Variants in FHIT observed in about 807,000 individuals in gnomAD.
FHIT encodes the protein fragile histidine triad diadenosine triphosphatase, also known as bis(5'-adenosyl)-triphosphatase.
In FHIT, 19 loss-of-function variants were observed where a neutral mutation model predicts 17.9. That is an observed-to-expected ratio of 1.06 (90% CI 0.74 to 1.56). The LOEUF (loss-of-function observed/expected upper bound fraction) is 1.56, where lower values mean the gene tolerates loss of function less well. Among genes scored for constraint, FHIT ranks in the 40% most tolerant of loss-of-function variants. The pLI is 0.00. For missense variants in FHIT, 248 were observed against 189.2 expected (o/e 1.31, Z -1.82); for synonymous variants, 81 against 69.7 (o/e 1.16, Z -0.81).
chr3:61,077,180 T>C (rs1443238374), intron 2 of FHIT, among the ~76,000 whole-genome samples: 1 of 152,008 alleles, frequency 6.6e-6, no homozygotes, highest in African/African-American at 2.4e-5. Flanking sequence ...AAACTTAAGG[T>C]AGAATTAATT....
intron 2 of FHIT, among the ~76,000 whole-genome samples, chr3:61,151,585 T>C (rs1051200561): frequency 2.2e-5 from 3 of 136,932 alleles, no homozygotes; most frequent in Non-Finnish European, 1.6e-5. Context: ...CTTTTTTTTT[T>C]TTTTTTGAGA....
chr3:61,096,140 TCAAA>T (rs1200264333), intron 2 of FHIT, among the ~76,000 whole-genome samples: 2 of 152,144 alleles, frequency 1.3e-5, no homozygotes, highest in African/African-American at 2.4e-5. Flanking sequence ...TAAATCTTTC[TCAAA>T]CAAACTGCAA....
chr3:60,953,981 C>A (rs569733025), intron 3 of FHIT, among the ~76,000 whole-genome samples: 1 of 152,240 alleles, frequency 6.6e-6, no homozygotes, highest in East Asian at 1.9e-4. Flanking sequence ...ATTAATGGAG[C>A]CCAAAGGGTT....
Position 60,968,260 on chromosome 3 carries a change from G to A in FHIT, c.-111+73787C>T, listed in dbSNP as rs1364069450. On this transcript the variant is annotated intron_variant, in intron 3 of 9. Transcript: ENST00000492590. ...TAGAATGCATAAACGTCACCTTGTGGCTTGTTAAAAACACAGATTCTTGCC... is the reference window on the plus strand; with the variant it reads ...TAGAATGCATAAACGTCACCTTGTGACTTGTTAAAAACACAGATTCTTGCC... Among the ~76,000 whole-genome samples, 3 of 152,286 alleles carry A rather than the reference G, an allele frequency of 2.0e-5. No homozygotes were observed. The East Asian group carries it at 5.8e-4, about 29-fold the overall frequency.
chr3:59,781,494 A>C (rs894413544), intron 8 of FHIT, among the ~76,000 whole-genome samples: 3 of 152,200 alleles, frequency 2.0e-5, no homozygotes, highest in Admixed American at 2.0e-4. Context: ...CCTTTAGCTA[A>C]AGTTCAACTT....
intron 4 of FHIT, among the ~76,000 whole-genome samples, chr3:60,766,038 C>T (rs1699841003): frequency 6.6e-6 from 1 of 152,144 alleles, no homozygotes; most frequent in Non-Finnish European, 1.5e-5. Context: ...GACTGAGCCA[C>T]TACCAGCTTC....
At chr3:60,735,114 T>C (rs1553712261) in intron 4 of FHIT, among the ~76,000 whole-genome samples, 1 of 152,248 alleles carries the variant, frequency 6.6e-6, no homozygotes, top group African/African-American at 2.4e-5. Flanking sequence ...TTATGTGGAT[T>C]GGTTGATTAA....
intron 7 of FHIT, among the ~76,000 whole-genome samples, chr3:59,984,765 A>T (rs1040179888): frequency 5.9e-5 from 9 of 152,108 alleles, no homozygotes; most frequent in African/African-American, 2.2e-4. Context: ...TGATGGGCAT[A>T]CACTGAGGGA....
At chr3:60,603,154 T>C (rs1242241599) in intron 4 of FHIT, among the ~76,000 whole-genome samples, 1 of 152,162 alleles carries the variant, frequency 6.6e-6, no homozygotes, top group Non-Finnish European at 1.5e-5. Flanking sequence ...GAATAACATC[T>C]AAAATTGGTG....
At chr3:60,718,419 C>T (rs2041735519) in intron 4 of FHIT, among the ~76,000 whole-genome samples, 1 of 152,148 alleles carries the variant, frequency 6.6e-6, no homozygotes, top group Non-Finnish European at 1.5e-5. Flanking sequence ...AAAAGCACAA[C>T]TCACCCCTTC....
At chr3:60,612,167 A>T (rs963565545) in intron 4 of FHIT, among the ~76,000 whole-genome samples, 4 of 152,152 alleles carry the variant, frequency 2.6e-5, no homozygotes, top group African/African-American at 9.7e-5. Context: ...TGAAGTGGTC[A>T]AAGAGAAGGG....
intron 5 of FHIT, among the ~76,000 whole-genome samples, chr3:60,506,403 T>C (rs10510846): frequency 0.24 from 36,453 of 152,198 alleles, 4,914 homozygotes; most frequent in Non-Finnish European, 0.3. Flanking sequence ...ACAGAGATTG[T>C]GTTTGGCAAA....
At chr3:59,975,234 G>T (rs1185259461) in intron 7 of FHIT, among the ~76,000 whole-genome samples, 1 of 152,062 alleles carries the variant, frequency 6.6e-6, no homozygotes, top group Admixed American at 6.6e-5. Context: ...TTAGAAGAAG[G>T]CAACATAAAT....
chr3:60,580,390 C>T (rs781468714), intron 4 of FHIT, among the ~76,000 whole-genome samples: 48 of 152,076 alleles, frequency 3.2e-4, no homozygotes, highest in Non-Finnish European at 4.7e-4. Flanking sequence ...TTCAATCATC[C>T]CTGATTTTTT....
intron 4 of FHIT, among the ~76,000 whole-genome samples, chr3:60,635,447 T>C (rs1023774465): frequency 2.0e-5 from 3 of 152,168 alleles, no homozygotes; most frequent in African/African-American, 7.2e-5. Context: ...TCATAAGCCG[T>C]TTTCTTGCAC....
intron 8 of FHIT, among the ~76,000 whole-genome samples, chr3:59,891,780 A>G (rs1199920184): frequency 1.3e-5 from 2 of 152,190 alleles, no homozygotes; most frequent in Non-Finnish European, 2.9e-5. Context: ...TCTTGTAAGT[A>G]AAATCATTTT....
intron 5 of FHIT, among the ~76,000 whole-genome samples, chr3:60,165,041 G>GA (rs1374550923): frequency 6.6e-6 from 1 of 152,084 alleles, no homozygotes; most frequent in Non-Finnish European, 1.5e-5. Flanking sequence ...TCACAGATCC[G>GA]AAACCCAGAC....
chr3:60,137,014 G>A (rs1169365982), intron 5 of FHIT, among the ~76,000 whole-genome samples: 8 of 152,090 alleles, frequency 5.3e-5, no homozygotes, highest in Admixed American at 3.9e-4. Flanking sequence ...TTATGATAGT[G>A]TCCTTTTGGC....
At chr3:60,623,602 T>C (rs1553679589) in intron 4 of FHIT, among the ~76,000 whole-genome samples, 1 of 152,164 alleles carries the variant, frequency 6.6e-6, no homozygotes, top group East Asian at 1.9e-4. Flanking sequence ...CTTTATGACT[T>C]ATAAAAAACA....
Sources: allele counts gnomAD v4.1 joint callset (sites outside exome capture counted in the v4.1 genomes callset), GRCh38; gene constraint gnomAD v4.1.1; transcripts MANE v1.5; gene names NCBI Gene and HGNC (gene_info 2026-07-23, HGNC 2026-07-21).